PCDHGB3: variants seen among roughly 807,000 people sequenced by gnomAD.
PCDHGB3 encodes the protein protocadherin gamma subfamily B, 3.
In PCDHGB3, 40 loss-of-function variants were observed where a neutral mutation model predicts 59.2. That is an observed-to-expected ratio of 0.68 (90% CI 0.52 to 0.88). The LOEUF (loss-of-function observed/expected upper bound fraction) is 0.88. Ranked by LOEUF, PCDHGB3 falls within the 40% of genes least tolerant of loss-of-function variation. PCDHGB3 has a pLI of 0.00. For synonymous variants in PCDHGB3, 581 were observed against 503.6 expected, an observed-to-expected ratio of 1.15 and a Z score of -2.06; for missense variants, 1,309 against 1,187.9, an observed-to-expected ratio of 1.10 and a Z score of -1.50.
In PCDHGB3 at chr5:141,480,033, C is replaced by G. The variant is rs370321166; in HGVS notation, c.2416-14774C>G. On this transcript the variant is annotated intron_variant, in intron 1 of 3. Coordinates refer to ENST00000576222, the MANE Select transcript of PCDHGB3 (RefSeq NM_018924.5). ...CTCAATCTCCTTTCTAAGCCTCTTC[C>G]TCATATGCAAAAAGGGAATAATAAG... is the stretch of plus-strand genomic sequence containing the variant. Among the ~76,000 whole-genome samples, 3 of 152,224 alleles carry G rather than the reference C, an allele frequency of 2.0e-5. No individual in the cohort carries two copies. The East Asian group carries it at 5.8e-4, about 29-fold the overall frequency.
At position 141,431,823 on chromosome 5, in the gene PCDHGB3, CG is replaced by C. The variant is rs754257436; in HGVS notation, c.2415+59016del. ...GTGGTCCTCACCTCTCTCGCCAGCTCGGTTCCCGAAAACTCTCCCAGAGGGA... is the reference window on the plus strand; with the variant it reads ...GTGGTCCTCACCTCTCTCGCCAGCTCGTTCCCGAAAACTCTCCCAGAGGGA... On this transcript the variant is annotated intron_variant, in intron 1 of 3. Transcript: ENST00000576222. The surrounding 1 kb of genome is among the most constrained non-coding windows in gnomAD (Gnocchi z 4.8). 2.5e-6 allele frequency: 4 copies of C among 1,614,142 alleles called. No homozygotes were observed. In the East Asian group the frequency reaches 8.9e-5, roughly 36 times the overall value.
chr5:141,391,906 T>C (rs2092441756), intron 1 of PCDHGB3: 2 of 152,218 alleles, frequency 1.3e-5, no homozygotes, highest in Non-Finnish European at 2.9e-5. Flanking sequence ...GCTTTGCTTT[T>C]TATCATATAT....
intron 1 of PCDHGB3, chr5:141,417,791 C>T: frequency 6.7e-7 from 1 of 1,482,658 alleles, no homozygotes; most frequent in Non-Finnish European, 9.0e-7. Context: ...GCCGAATGCT[C>T]TTTTAGCGCG....
intron 1 of PCDHGB3, among the ~76,000 whole-genome samples, chr5:141,380,010 C>T (rs1404064282): frequency 6.7e-6 from 1 of 148,282 alleles, no homozygotes; most frequent in Admixed American, 6.9e-5. Flanking sequence ...AGCGATTCTC[C>T]TGCCTCAGCC....
chr5:141,505,494 A>G lies in PCDHGB3; in HGVS notation c.2563+13A>G. ...GCGTCCGCCAGTGGTAAGTGGTGTC[A>G]GTGTGTGTATGGAAGAGTGGGAGAC... is the stretch of plus-strand genomic sequence containing the variant. On this transcript the variant is annotated intron_variant, in intron 3 of 3. Transcript: ENST00000576222. The G allele has an allele frequency of 6.8e-6, 11 of 1,614,198 alleles. No homozygotes were observed. Among genetic ancestry groups the G allele is most frequent in the Non-Finnish European group, 9.3e-6 (11 of 1,180,006 alleles).
chr5:141,387,347 T>C (rs1213698437), intron 1 of PCDHGB3, among the ~76,000 whole-genome samples: 1 of 152,152 alleles, frequency 6.6e-6, no homozygotes. Flanking sequence ...TCTGAGACGG[T>C]TTAGGCCAAG....
intron 1 of PCDHGB3, chr5:141,383,044 GC>G: frequency 1.2e-6 from 2 of 1,613,878 alleles, no homozygotes; most frequent in Non-Finnish European, 8.5e-7. Context: ...GGGAGACATC[GC>G]CAAGGACCTG....
intron 1 of PCDHGB3, chr5:141,417,186 C>A (rs2154546857): frequency 6.6e-6 from 1 of 152,258 alleles, no homozygotes; most frequent in Admixed American, 6.5e-5. Context: ...GGAATTATTA[C>A]TTTCTGGGTG....
rs1004061582 is a variant in PCDHGB3, at chr5:141,477,406, A to C, written c.2416-17401A>C. ...AATACAACCTCAGCATCACCGCCCG[A>C]GACGCCGGAACCCCTTCCCTCTCAG... On this transcript the variant is annotated intron_variant, in intron 1 of 3. Transcript: ENST00000576222. The surrounding 1 kb of genome is among the most constrained non-coding windows in gnomAD (Gnocchi z 4.9). 6.2e-7 allele frequency: 1 copy of C among 1,614,036 alleles called. No homozygotes were observed. Among genetic ancestry groups the C allele is most frequent in the Admixed American group, 1.7e-5 (1 of 59,994 alleles).
Position 141,491,547 on chromosome 5 carries a change from G to C in PCDHGB3, c.2416-3260G>C. On this transcript the variant is annotated intron_variant, in intron 1 of 3. Coordinates refer to ENST00000576222, the MANE Select transcript of PCDHGB3 (RefSeq NM_018924.5). This position sits in a 1 kb window ranked among gnomAD's most constrained non-coding sequence, Gnocchi z 6.9. Reference sequence around the variant, plus strand: ...AGGTGACGCTGCGGCCCACAGACTCGCAGAGCCACTGCTACAGGACGTGCT... The same window carrying C: ...AGGTGACGCTGCGGCCCACAGACTCCCAGAGCCACTGCTACAGGACGTGCT... 6.2e-7 allele frequency: 1 copy of C among 1,613,974 alleles called. No individual in the cohort carries two copies. The highest frequency in any genetic ancestry group is 8.5e-7 in the Non-Finnish European group (1 of 1,180,022).
At chr5:141,483,648 T>TTGTGTGTGTGTGTG (rs111458813) in intron 1 of PCDHGB3, among the ~76,000 whole-genome samples, 2 of 149,592 alleles carry the variant, frequency 1.3e-5, no homozygotes, top group Non-Finnish European at 3.0e-5. Context: ...GGGTGTGTGT[T>TTGTGTGTGTGTGTG]TGTGTGTGTG....
chr5:141,418,153 G>A (rs1561771797), intron 1 of PCDHGB3: 2 of 1,614,086 alleles, frequency 1.2e-6, no homozygotes, highest in East Asian at 2.2e-5. Context: ...TATGCAAAGA[G>A]AGAAGAAGAT....
chr5:141,408,390 C>T (rs375719639), intron 1 of PCDHGB3: 1 of 1,613,902 alleles, frequency 6.2e-7, no homozygotes, highest in East Asian at 2.2e-5. Context: ...GATGTGTCGG[C>T]TCGCAAGCTG....
chr5:141,456,773 G>A (rs1178932462), intron 1 of PCDHGB3, among the ~76,000 whole-genome samples: 6 of 151,980 alleles, frequency 3.9e-5, no homozygotes, highest in African/African-American at 1.2e-4. Context: ...GACCAGCCTG[G>A]CCTACATGGC....
intron 1 of PCDHGB3, chr5:141,419,158 C>G (rs757849297): frequency 6.2e-7 from 1 of 1,613,950 alleles, no homozygotes; most frequent in South Asian, 1.1e-5. Context: ...CTCCGTTATC[C>G]TCCAGCAAAA....
Position 141,371,209 on chromosome 5 carries a change from G to T in PCDHGB3, c.815G>T (p.Gly272Val). Residue 272 changes from glycine to valine, a missense_variant, in exon 1 of 4, where the codon GGC (glycine) becomes GTC (valine). Transcript: ENST00000576222. Reference sequence around the variant, plus strand: ...GTGATGGCCATTGACATGGATGAGGGCATCAATGCCGAAATCATCTATGCC... The same window carrying T: ...GTGATGGCCATTGACATGGATGAGGTCATCAATGCCGAAATCATCTATGCC... ...LKVMAIDMDE[G>V]INAEIIYAFI... The T allele has an allele frequency of 6.2e-7, 1 of 1,614,006 alleles. No homozygotes were observed. Among genetic ancestry groups the T allele is most frequent in the Non-Finnish European group, 8.5e-7 (1 of 1,179,854 alleles).
intron 1 of PCDHGB3, chr5:141,383,326 A>G: frequency 6.2e-7 from 1 of 1,614,030 alleles, no homozygotes; most frequent in Non-Finnish European, 8.5e-7. Flanking sequence ...TGTAAAAATA[A>G]TGGAGAATAC....
At chr5:141,418,629 C>T in intron 1 of PCDHGB3, 1 of 1,614,014 alleles carries the variant, frequency 6.2e-7, no homozygotes, top group Non-Finnish European at 8.5e-7. Context: ...GACGTGCCTC[C>T]AGGCACCTCC....
Position 141,511,229 on chromosome 5 carries a change from T to G in PCDHGB3, c.*56T>G. 6.3e-7 allele frequency: 1 copy of G among 1,598,500 alleles called. No homozygotes were observed. Among genetic ancestry groups the G allele is most frequent in the Non-Finnish European group, 8.5e-7 (1 of 1,172,476 alleles). On this transcript the variant is annotated 3_prime_UTR_variant, in exon 4 of 4. Transcript: ENST00000576222. ...GCCTCTCCCCAACCAGCCCAGCTTC[T>G]CCTTACCTGCACCCAGGCCTCAGAG...
Sources: gnomAD v4.1 joint callset for allele counts (sites outside exome capture counted in the v4.1 genomes callset) on GRCh38, gnomAD v4.1.1 for gene constraint, Gnocchi (gnomAD v3.1) non-coding constraint, MANE v1.5 for transcripts, NCBI Gene and HGNC (gene_info 2026-07-23, HGNC 2026-07-21) for gene names.